Variants in TFCP2L1 observed in about 807,000 individuals in gnomAD.
The protein encoded by TFCP2L1 is transcription factor CP2-like protein 1.
Under a neutral mutation model 72.2 loss-of-function variants are expected in TFCP2L1, and 12 were observed. The observed-to-expected ratio is 0.17, with a 90% CI of 0.11 to 0.27. The LOEUF is 0.27. Among genes scored for constraint, TFCP2L1 ranks in the 10% least tolerant of loss-of-function variants. The pLI, the probability that TFCP2L1 is intolerant of heterozygous loss-of-function variation, is 1.00. For missense variants in TFCP2L1, 488 were observed against 624.6 expected (o/e 0.78, Z 2.33); for synonymous variants, 260 against 251.0 (o/e 1.04, Z -0.34).
rs1685859512 is a variant in TFCP2L1, at chr2:121,217,702, G to A, written c.*6639C>T. On this transcript the variant is annotated 3_prime_UTR_variant, in exon 15 of 15. Coordinates refer to ENST00000263707, the MANE Select transcript of TFCP2L1 (RefSeq NM_014553.3). The stretch of plus-strand genomic sequence containing the variant: ...GCTGCCCCTCCCAGGACAAGAGTGT[G>A]AGCTGGCCAGGAGGCCACTGCTGCC... The A allele has an allele frequency of 6.6e-6, 1 of 152,580 alleles. No individual in the cohort carries two copies. The highest frequency in any genetic ancestry group is 1.5e-5 in the Non-Finnish European group (1 of 68,300). The allele number at this position is 152,580 out of a possible 1,614,324, so 9.5% of individuals were successfully genotyped here. A position where few individuals can be genotyped will look rare whatever the true frequency, so the allele number is the denominator to read the frequency against.
intron 2 of TFCP2L1, among the ~76,000 whole-genome samples, chr2:121,262,989 G>A (rs1205360230): frequency 6.6e-6 from 1 of 152,178 alleles, no homozygotes; most frequent in African/African-American, 2.4e-5. Flanking sequence ...AGGCTGGAGT[G>A]CAATGGCACA....
chr2:121,280,256 C>T (rs1687229064), intron 2 of TFCP2L1, among the ~76,000 whole-genome samples: 2 of 151,372 alleles, frequency 1.3e-5, no homozygotes, highest in Admixed American at 6.6e-5. Context: ...GGAATTCAAA[C>T]TCCAAAGCCT....
chr2:121,278,977 C>G (rs1316333880), intron 2 of TFCP2L1, among the ~76,000 whole-genome samples: 1 of 151,832 alleles, frequency 6.6e-6, no homozygotes, highest in East Asian at 1.9e-4. Flanking sequence ...GCACTCCAGC[C>G]TGGGAGACAG....
At chr2:121,240,791 C>T (rs1346087457) in intron 7 of TFCP2L1, 1 of 960,178 alleles carries the variant, frequency 1.0e-6, no homozygotes, top group Admixed American at 6.2e-5. Context: ...GGCCTCTAAT[C>T]CATAAATGCA....
chr2:121,231,973 G>A lies in TFCP2L1; in HGVS notation c.1199-5C>T. ...CCAGGAAGATGGCGTGGTACACTGG[G>A]GGAAGGAGGAGCAAGTGCTGCTTTC... On this transcript the variant is annotated splice_region_variant and splice_polypyrimidine_tract_variant and intron_variant, in intron 12 of 14. Coordinates refer to ENST00000263707, the MANE Select transcript of TFCP2L1 (RefSeq NM_014553.3). 1 of 1,581,172 alleles carries A rather than the reference G, an allele frequency of 6.3e-7. No individual in the cohort carries two copies. Among genetic ancestry groups the A allele is most frequent in the Non-Finnish European group, 8.6e-7 (1 of 1,159,262 alleles).
At chr2:121,276,734 A>C (rs1270284969) in intron 2 of TFCP2L1, among the ~76,000 whole-genome samples, 1 of 152,174 alleles carries the variant, frequency 6.6e-6, no homozygotes. Flanking sequence ...CTAGAAAATA[A>C]ACAAACTCAG....
chr2:121,225,433 A>G, intron 14 of TFCP2L1, 129 bp downstream of exon 14: 1 of 874,836 alleles, frequency 1.1e-6, no homozygotes, highest in South Asian at 1.5e-5. Flanking sequence ...GCTTTCACGG[A>G]GAGTTTGTGC....
At chr2:121,268,887 T>C (rs924998009) in intron 2 of TFCP2L1, among the ~76,000 whole-genome samples, 2 of 151,272 alleles carry the variant, frequency 1.3e-5, no homozygotes, top group Non-Finnish European at 2.9e-5. Flanking sequence ...TATTCCACTA[T>C]ATCAAGTTTC....
intron 2 of TFCP2L1, among the ~76,000 whole-genome samples, chr2:121,274,268 C>CTACTA (rs1687103242): frequency 1.3e-5 from 2 of 151,866 alleles, no homozygotes; most frequent in African/African-American, 4.8e-5. Flanking sequence ...TACAGAGCAC[C>CTACTA]TACTATACTC....
chr2:121,236,933 T>G (rs1272679117), intron 10 of TFCP2L1, among the ~76,000 whole-genome samples: 1 of 152,106 alleles, frequency 6.6e-6, no homozygotes, highest in African/African-American at 2.4e-5. Context: ...AGCTACAAGC[T>G]CCCAAGGACA....
intron 7 of TFCP2L1, among the ~76,000 whole-genome samples, chr2:121,241,512 A>G (rs1320929660): frequency 6.6e-6 from 1 of 152,080 alleles, no homozygotes; most frequent in Non-Finnish European, 1.5e-5. Flanking sequence ...ACAAACAAAA[A>G]AAAAAGGGAA....
At chr2:121,261,411 A>G (rs1388811065) in intron 2 of TFCP2L1, among the ~76,000 whole-genome samples, 1 of 152,190 alleles carries the variant, frequency 6.6e-6, no homozygotes, top group Non-Finnish European at 1.5e-5. Context: ...GAAATGCTCA[A>G]AAAAGAATGA....
chr2:121,239,581 T>C lies in TFCP2L1; in HGVS notation c.837A>G (p.Pro279=). 1.9e-6 allele frequency: 3 copies of C among 1,614,214 alleles called. No individual in the cohort carries two copies. The East Asian group carries it at 6.7e-5, about 36-fold the overall frequency. The part of the protein sequence containing the change: ...SAPSPSYNGS[P]NSFGLGEGNA... Reference sequence around the variant, plus strand: ...ACCCTTCGCCGAGGCCAAAGCTGTTTGGAGAACCATTGTAGCTTGGGGACG... The same window carrying C: ...ACCCTTCGCCGAGGCCAAAGCTGTTCGGAGAACCATTGTAGCTTGGGGACG... The change falls in exon 8 of 15, where the codon CCA becomes CCG. Residue 279 remains proline (P), a synonymous_variant. Coordinates refer to ENST00000263707, the MANE Select transcript of TFCP2L1 (RefSeq NM_014553.3).
At chr2:121,227,229 T>C (rs575378102) in intron 13 of TFCP2L1, among the ~76,000 whole-genome samples, 1 of 152,232 alleles carries the variant, frequency 6.6e-6, no homozygotes, top group Non-Finnish European at 1.5e-5. Context: ...TTGGCTGTTA[T>C]GAAATCAGTC....
rs1685978423 is a variant in TFCP2L1, at chr2:121,224,205, A to C, written c.*136T>G. On this transcript the variant is annotated 3_prime_UTR_variant, in exon 15 of 15. Transcript: ENST00000263707. ...AGGCTTCTGCTGGTTGGTGCTCTGTAGCTTTCACAGACTGGGCAGGGTCCC... is the reference window on the plus strand; with the variant it reads ...AGGCTTCTGCTGGTTGGTGCTCTGTCGCTTTCACAGACTGGGCAGGGTCCC... 1 of 944,314 alleles carries C rather than the reference A, an allele frequency of 1.1e-6. No homozygotes were observed. The allele number at this position is 944,314 out of a possible 1,614,324, so 58.5% of individuals were successfully genotyped here. A position where few individuals can be genotyped will look rare whatever the true frequency, so the allele number is the denominator to read the frequency against.
intron 2 of TFCP2L1, among the ~76,000 whole-genome samples, chr2:121,255,603 T>A (rs1387873148): frequency 1.3e-5 from 2 of 152,190 alleles, no homozygotes; most frequent in Admixed American, 6.5e-5. Flanking sequence ...ACCTGGTCTG[T>A]CTGACGCCGA....
intron 2 of TFCP2L1, among the ~76,000 whole-genome samples, chr2:121,253,692 G>A (rs1474071749): frequency 2.6e-5 from 4 of 152,294 alleles, no homozygotes; most frequent in Admixed American, 1.3e-4. Flanking sequence ...CTGAACATAA[G>A]GGGCAGCCCT....
chr2:121,242,529 C>A (rs1686397954), intron 6 of TFCP2L1, 60 bp from the exon 7 acceptor site: 1 of 1,528,162 alleles, frequency 6.5e-7, no homozygotes, highest in African/African-American at 1.4e-5. Flanking sequence ...AGCCCCCAAG[C>A]CCTCTCCTGC....
chr2:121,259,750 C>A (rs1686797679), intron 2 of TFCP2L1, among the ~76,000 whole-genome samples: 1 of 152,112 alleles, frequency 6.6e-6, no homozygotes. Flanking sequence ...TATACTCAAA[C>A]CCACATATTT....
Sources: allele counts gnomAD v4.1 joint callset (sites outside exome capture counted in the v4.1 genomes callset), GRCh38; gene constraint gnomAD v4.1.1; transcripts MANE v1.5; gene names NCBI Gene and HGNC (gene_info 2026-07-23, HGNC 2026-07-21).